MAGI1: variants seen among roughly 807,000 people sequenced by gnomAD.
MAGI1 encodes the protein membrane associated guanylate kinase, WW and PDZ domain containing 1, also known as membrane-associated guanylate kinase, WW and PDZ domain-containing protein 1.
Under a neutral mutation model 139.9 loss-of-function variants are expected in MAGI1, and 58 were observed. The ratio of observed to expected loss-of-function variants is 0.41; its 90% confidence interval spans 0.34 to 0.52. The LOEUF is 0.52. MAGI1 is among the 20% of genes least tolerant of loss of function. MAGI1 has a pLI of 0.12. For missense variants in MAGI1, 1,874 were observed against 1,901.6 expected, an observed-to-expected ratio of 0.99 and a Z score of 0.27; for synonymous variants, 812 against 737.9, an observed-to-expected ratio of 1.10 and a Z score of -1.63.
intron 1 of MAGI1, among the ~76,000 whole-genome samples, chr3:65,950,788 C>T (rs979080037): frequency 6.6e-6 from 1 of 152,134 alleles, no homozygotes; most frequent in African/African-American, 2.4e-5. Context: ...CAGAGGTATG[C>T]ACTGTGTGCT....
chr3:65,552,079 A>G (rs1256439766), intron 2 of MAGI1, among the ~76,000 whole-genome samples: 1 of 152,170 alleles, frequency 6.6e-6, no homozygotes, highest in East Asian at 1.9e-4. Flanking sequence ...TAGGTCATTC[A>G]TTGTTTGGAA....
intron 1 of MAGI1, among the ~76,000 whole-genome samples, chr3:65,959,247 C>CT (rs1214595458): frequency 6.6e-6 from 1 of 152,166 alleles, no homozygotes; most frequent in African/African-American, 2.4e-5. Flanking sequence ...TCTCTGATTT[C>CT]TCCTTCCTCT....
At chr3:65,542,675 G>C (rs1206811465) in intron 2 of MAGI1, among the ~76,000 whole-genome samples, 3 of 152,120 alleles carry the variant, frequency 2.0e-5, no homozygotes, top group African/African-American at 4.8e-5. Flanking sequence ...TTTAATAAAT[G>C]GTGCTGGGAA....
chr3:65,835,424 T>C (rs1314956648), intron 1 of MAGI1, among the ~76,000 whole-genome samples: 1 of 152,172 alleles, frequency 6.6e-6, no homozygotes, highest in Non-Finnish European at 1.5e-5. Flanking sequence ...CAATGACAAA[T>C]GTACCAGCAA....
chr3:65,740,348 T>C (rs1050055756), intron 1 of MAGI1, among the ~76,000 whole-genome samples: 3 of 152,204 alleles, frequency 2.0e-5, no homozygotes, highest in African/African-American at 7.2e-5. Flanking sequence ...GAGGTTAGTA[T>C]AATTACTATC....
chr3:65,715,382 C>A (rs1469284740), intron 1 of MAGI1, among the ~76,000 whole-genome samples: 1 of 152,150 alleles, frequency 6.6e-6, no homozygotes, highest in Non-Finnish European at 1.5e-5. Flanking sequence ...TTTAGTAATA[C>A]AGGTGTAAGT....
intron 1 of MAGI1, among the ~76,000 whole-genome samples, chr3:66,014,381 T>C (rs1174511911): frequency 1.3e-5 from 2 of 152,224 alleles, no homozygotes; most frequent in African/African-American, 2.4e-5. Flanking sequence ...GATCATCCTA[T>C]AGATGCTGTC....
intron 1 of MAGI1, among the ~76,000 whole-genome samples, chr3:65,839,612 A>G (rs1233381530): frequency 6.6e-6 from 1 of 152,226 alleles, no homozygotes; most frequent in Non-Finnish European, 1.5e-5. Flanking sequence ...AAAATGGATC[A>G]GAGATGTAAA....
At chr3:65,785,434 CTT>C (rs1159061614) in intron 1 of MAGI1, among the ~76,000 whole-genome samples, 4 of 152,154 alleles carry the variant, frequency 2.6e-5, no homozygotes, top group Admixed American at 1.3e-4. Flanking sequence ...AAAATCATGA[CTT>C]ATACACAGAT....
chr3:65,383,395 G>A (rs1943205957), intron 15 of MAGI1, 137 bp downstream of exon 15: 1 of 657,842 alleles, frequency 1.5e-6, no homozygotes, highest in Non-Finnish European at 2.7e-6. Context: ...AACCCAATGA[G>A]AAACCCACAC....
chr3:65,905,156 AATGAT>A (rs2108641214), intron 1 of MAGI1, among the ~76,000 whole-genome samples: 1 of 152,326 alleles, frequency 6.6e-6, no homozygotes, highest in South Asian at 2.1e-4. Context: ...ATGTGATTTA[AATGAT>A]ATGATATTCA....
In MAGI1 at chr3:66,038,510, C is replaced by G. The variant is rs1310517158; in HGVS notation, c.-202G>C. 1 of 710,854 alleles carries G rather than the reference C, an allele frequency of 1.4e-6. No homozygotes were observed. The highest frequency in any genetic ancestry group is 1.8e-5 in the African/African-American group (1 of 54,576). 44.0% of individuals were successfully genotyped at this position (710,854 alleles called of 1,614,324 possible). ...AAAACAAACTTTCTGGGCTTCCCCG[C>G]GAGCCCCGCACAGGCGCCCGCGAGC... On this transcript the variant is annotated 5_prime_UTR_variant, in exon 1 of 23. Coordinates refer to ENST00000402939, the MANE Select transcript of MAGI1 (RefSeq NM_001033057.2).
At chr3:65,932,566 C>A (rs1245949097) in intron 1 of MAGI1, among the ~76,000 whole-genome samples, 1 of 152,158 alleles carries the variant, frequency 6.6e-6, no homozygotes, top group Admixed American at 6.5e-5. Context: ...CCCACCCCAG[C>A]AATGGCTGAT....
intron 2 of MAGI1, among the ~76,000 whole-genome samples, chr3:65,590,898 G>A (rs751485000): frequency 3.3e-5 from 5 of 152,116 alleles, no homozygotes; most frequent in Admixed American, 6.5e-5. Flanking sequence ...GAATGAACAC[G>A]CTTACACATG....
At chr3:65,437,119 A>G (rs1947912136) in intron 10 of MAGI1, 36 bp downstream of exon 10, 1 of 1,442,300 alleles carries the variant, frequency 6.9e-7, no homozygotes, top group Non-Finnish European at 9.6e-7. Flanking sequence ...ATTTTGAGCT[A>G]AAACCATGAC....
At chr3:65,978,270 C>T (rs1212543525) in intron 1 of MAGI1, among the ~76,000 whole-genome samples, 1 of 152,200 alleles carries the variant, frequency 6.6e-6, no homozygotes, top group East Asian at 1.9e-4. Flanking sequence ...GGTTAAGTAA[C>T]TTGTCCAAGA....
At chr3:65,728,927 C>T (rs185252332) in intron 1 of MAGI1, among the ~76,000 whole-genome samples, 114 of 152,100 alleles carry the variant, frequency 7.5e-4, no homozygotes, top group African/African-American at 2.7e-3. Context: ...CATCTCCTCA[C>T]AAAATGATCA....
intron 2 of MAGI1, among the ~76,000 whole-genome samples, chr3:65,494,880 C>T (rs1952313627): frequency 6.6e-6 from 1 of 152,106 alleles, no homozygotes; most frequent in South Asian, 2.1e-4. Context: ...ATTTTTAGTG[C>T]ACATAATTCT....
At chr3:65,460,253 G>A (rs1242227231) in intron 5 of MAGI1, among the ~76,000 whole-genome samples, 2 of 152,138 alleles carry the variant, frequency 1.3e-5, no homozygotes, top group Non-Finnish European at 2.9e-5. Flanking sequence ...ACTTGATCAT[G>A]GGAAATTGCT....
Sources: allele counts gnomAD v4.1 joint callset (sites outside exome capture counted in the v4.1 genomes callset), GRCh38; gene constraint gnomAD v4.1.1; transcripts MANE v1.5; gene names NCBI Gene and HGNC (gene_info 2026-07-23, HGNC 2026-07-21).